Variants in BMP6 observed in about 807,000 individuals in gnomAD.
The protein encoded by BMP6 is VG-1-R.
In BMP6, 17 loss-of-function variants were observed where a neutral mutation model predicts 54.1. The observed-to-expected ratio is 0.31, with a 90% CI of 0.22 to 0.47. BMP6 has a LOEUF of 0.47. Ranked by LOEUF, BMP6 falls within the 20% of genes least tolerant of loss-of-function variation. BMP6 has a pLI of 1.00. For missense variants in BMP6, 720 were observed against 690.4 expected, an observed-to-expected ratio of 1.04 and a Z score of -0.48; for synonymous variants, 328 against 291.2, an observed-to-expected ratio of 1.13 and a Z score of -1.28.
Position 7,880,289 on chromosome 6 carries a change from T to A in BMP6, c.1488T>A (p.Asn496Lys). Residue 496 changes from asparagine (N) to lysine (K), a missense_variant, in exon 7 of 7, where the codon AAT becomes AAA. Physicochemically the swap from Asn to Lys is moderately conservative, Grantham distance 94. Transcript: ENST00000283147. Reference sequence around the variant, plus strand: ...TTCTTTACTTTGATGACAACTCCAATGTCATTCTGAAAAAATACAGGAATA... The same window carrying A: ...TTCTTTACTTTGATGACAACTCCAAAGTCATTCTGAAAAAATACAGGAATA... ...ISVLYFDDNS[N>K]VILKKYRNMV... 6.2e-7 allele frequency: 1 copy of A among 1,614,166 alleles called. No homozygotes were observed. Among genetic ancestry groups the A allele is most frequent in the East Asian group, 2.2e-5 (1 of 44,884 alleles).
rs191522946 is a variant in BMP6 at position 7,879,331 on chromosome 6, T to A, written c.1281+181T>A. On this transcript the variant is annotated intron_variant, in intron 5 of 6. Transcript: ENST00000283147. ...CTGGAGTAAGGCAGAGGAAGCTTAG[T>A]CTGTGGGGCACCAGGCGCTCCAACA... Among the ~76,000 whole-genome samples, 24 of 152,284 alleles carry A rather than the reference T, an allele frequency of 1.6e-4. No homozygotes were observed. In the East Asian group the frequency reaches 4.6e-3, roughly 29 times the overall value.
chr6:7,838,820 G>T (rs1291439980), intron 1 of BMP6, among the ~76,000 whole-genome samples: 2 of 151,774 alleles, frequency 1.3e-5, no homozygotes, highest in Non-Finnish European at 2.9e-5. Context: ...CAGGCGCCTG[G>T]AGTCCCAGCT....
intron 1 of BMP6, among the ~76,000 whole-genome samples, chr6:7,839,621 G>A (rs961757958): frequency 3.3e-5 from 5 of 152,174 alleles, no homozygotes; most frequent in Non-Finnish European, 2.9e-5. Flanking sequence ...GGTTCATGTG[G>A]TACCATGTGT....
chr6:7,836,413 G>A (rs1336633565), intron 1 of BMP6, among the ~76,000 whole-genome samples: 1 of 152,150 alleles, frequency 6.6e-6, no homozygotes, highest in African/African-American at 2.4e-5. Flanking sequence ...ATGTGATAAG[G>A]GGTCATAGAA....
intron 4 of BMP6, among the ~76,000 whole-genome samples, chr6:7,873,877 A>G (rs1158482652): frequency 6.6e-6 from 1 of 152,010 alleles, no homozygotes; most frequent in African/African-American, 2.4e-5. Context: ...TACATGACCA[A>G]ATGATGCCAA....
intron 4 of BMP6, among the ~76,000 whole-genome samples, chr6:7,869,914 C>T (rs764088381): frequency 2.6e-5 from 4 of 152,140 alleles, no homozygotes; most frequent in African/African-American, 4.8e-5. Context: ...CAGCCAGAGG[C>T]GTGTGTGCTG....
chr6:7,754,352 G>A (rs1014858621), intron 1 of BMP6, among the ~76,000 whole-genome samples: 1 of 152,122 alleles, frequency 6.6e-6, no homozygotes, highest in African/African-American at 2.4e-5. Context: ...CAAGCGATCT[G>A]CCCTCCTCGG....
chr6:7,786,828 G>A (rs1265704838), intron 1 of BMP6, among the ~76,000 whole-genome samples: 1 of 152,142 alleles, frequency 6.6e-6, no homozygotes, highest in Non-Finnish European at 1.5e-5. Context: ...AAGCAGGGAG[G>A]GTTTCCCTGA....
chr6:7,732,105 C>G (rs967707344), intron 1 of BMP6, among the ~76,000 whole-genome samples: 1 of 152,096 alleles, frequency 6.6e-6, no homozygotes. Context: ...AGATATAATG[C>G]GCTATCTCTT....
intron 1 of BMP6, among the ~76,000 whole-genome samples, chr6:7,747,186 C>T (rs188292856): frequency 2.0e-5 from 3 of 152,312 alleles, no homozygotes; most frequent in East Asian, 3.9e-4. Context: ...TCAGTGTTTG[C>T]GGTAGGCAGG....
chr6:7,834,661 C>T (rs987856748), intron 1 of BMP6, among the ~76,000 whole-genome samples: 2 of 151,038 alleles, frequency 1.3e-5, no homozygotes, highest in African/African-American at 4.9e-5. Context: ...GGCAAAATAG[C>T]GAGGTGCCAA....
chr6:7,727,223 C>T lies in BMP6; in HGVS notation c.268C>T (p.Pro90Ser). 1 of 1,605,830 alleles carries T rather than the reference C, an allele frequency of 6.2e-7. No individual in the cohort carries two copies. Among genetic ancestry groups the T allele is most frequent in the Non-Finnish European group, 8.5e-7 (1 of 1,176,900 alleles). Residue 90 changes from proline to serine, a missense_variant, in exon 1 of 7, where the codon CCG becomes TCG. Transcript: ENST00000283147. ...QKEILSVLGL[P>S]HRPRPLHGLQ... ...GGAGATCTTGTCGGTGCTGGGGCTC[C>T]CGCACCGGCCCCGGCCCCTGCACGG...
At chr6:7,779,210 T>C (rs543805334) in intron 1 of BMP6, among the ~76,000 whole-genome samples, 6 of 152,354 alleles carry the variant, frequency 3.9e-5, no homozygotes, top group South Asian at 4.1e-4. Flanking sequence ...CAGTACGTTA[T>C]TGAAGTGTCC....
At chr6:7,736,519 C>G (rs1367440555) in intron 1 of BMP6, among the ~76,000 whole-genome samples, 1 of 152,214 alleles carries the variant, frequency 6.6e-6, no homozygotes, top group Non-Finnish European at 1.5e-5. Context: ...TCAGGAGAGA[C>G]TATTTAGATC....
At chr6:7,790,514 CAAAAA>C (rs35572440) in intron 1 of BMP6, among the ~76,000 whole-genome samples, 103 of 73,454 alleles carry the variant, frequency 1.4e-3, no homozygotes, top group African/African-American at 6.9e-3. Context: ...GACCCTGTCT[CAAAAA>C]AAAAAAAAAA....
At chr6:7,807,488 C>T (rs1459783155) in intron 1 of BMP6, among the ~76,000 whole-genome samples, 3 of 152,116 alleles carry the variant, frequency 2.0e-5, no homozygotes, top group Non-Finnish European at 4.4e-5. Context: ...ACCATGTTGG[C>T]CAGACTGGTC....
At chr6:7,857,679 ATCT>A (rs1466854774) in intron 2 of BMP6, among the ~76,000 whole-genome samples, 1 of 152,230 alleles carries the variant, frequency 6.6e-6, no homozygotes, top group Non-Finnish European at 1.5e-5. Context: ...AATCAGATGC[ATCT>A]TCTTCGAGGC....
chr6:7,756,493 A>G (rs1017240659), intron 1 of BMP6, among the ~76,000 whole-genome samples: 1 of 151,704 alleles, frequency 6.6e-6, no homozygotes, highest in African/African-American at 2.4e-5. Context: ...GTTTTTATGG[A>G]TTGATTTTTC....
At chr6:7,755,987 A>G (rs887077792) in intron 1 of BMP6, among the ~76,000 whole-genome samples, 1 of 152,072 alleles carries the variant, frequency 6.6e-6, no homozygotes, top group African/African-American at 2.4e-5. Flanking sequence ...AAATGGTTTT[A>G]TCATGTGCCT....
Sources: gnomAD v4.1 joint callset for allele counts (sites outside exome capture counted in the v4.1 genomes callset) on GRCh38, gnomAD v4.1.1 for gene constraint, MANE v1.5 for transcripts, NCBI Gene and HGNC (gene_info 2026-07-23, HGNC 2026-07-21) for gene names.